The following BTRC variants were observed in gnomAD, a reference collection of about 807,000 sequenced individuals.
The protein encoded by BTRC is F-box/WD repeat-containing protein 1A.
Under a neutral mutation model 85.5 loss-of-function variants are expected in BTRC, and 42 were observed. The observed-to-expected ratio is 0.49, with a 90% CI of 0.38 to 0.64. BTRC has a LOEUF of 0.64. Ranked by LOEUF, BTRC falls within the 30% of genes least tolerant of loss-of-function variation. The pLI, the probability that BTRC is intolerant of heterozygous loss-of-function variation, is 0.00. For synonymous variants in BTRC, 255 were observed against 263.3 expected (o/e 0.97, Z 0.30); for missense variants, 594 against 743.5 (o/e 0.80, Z 2.34).
intron 1 of BTRC, among the ~76,000 whole-genome samples, chr10:101,421,979 A>G (rs924030381): frequency 1.3e-5 from 2 of 152,114 alleles, no homozygotes; most frequent in African/African-American, 2.4e-5. Flanking sequence ...TCCTCTGGGT[A>G]TATACCCAGT....
chr10:101,479,918 T>G (rs1945791185), intron 4 of BTRC, among the ~76,000 whole-genome samples: 1 of 152,202 alleles, frequency 6.6e-6, no homozygotes, highest in South Asian at 2.1e-4. Flanking sequence ...TTGATCCACA[T>G]GGACAAGTAT....
intron 1 of BTRC, among the ~76,000 whole-genome samples, chr10:101,364,192 T>C (rs1448826313): frequency 1.3e-5 from 2 of 152,336 alleles, no homozygotes; most frequent in East Asian, 1.9e-4. Context: ...ACTCTCCTGA[T>C]AGCACTTTTT....
chr10:101,540,085 GT>G (rs1292169997), intron 13 of BTRC, among the ~76,000 whole-genome samples: 1 of 152,030 alleles, frequency 6.6e-6, no homozygotes, highest in Non-Finnish European at 1.5e-5. Flanking sequence ...TTGTTTCTTT[GT>G]TTTCTTAAAA....
chr10:101,471,228 G>T (rs866441022), intron 3 of BTRC, among the ~76,000 whole-genome samples: 54 of 152,016 alleles, frequency 3.6e-4, no homozygotes, highest in African/African-American at 1.3e-3. Context: ...CTATTAAAAA[G>T]CAGTCTGTGA....
rs1943901662 is a variant in BTRC at position 101,415,310 on chromosome 10, G to A, written c.49-15035G>A. On this transcript the variant is annotated intron_variant, in intron 1 of 14. Coordinates refer to ENST00000370187, the MANE Select transcript of BTRC (RefSeq NM_033637.4). Reference sequence around the variant, plus strand: ...CCTGCTGCAGTCTCCCGAGTAGCTGGGACTACAGGCATGTGCCACCATGCC... The same window carrying A: ...CCTGCTGCAGTCTCCCGAGTAGCTGAGACTACAGGCATGTGCCACCATGCC... Among the ~76,000 whole-genome samples, 6 of 151,658 alleles carry A rather than the reference G, an allele frequency of 4.0e-5. No homozygotes were observed. The South Asian group carries it at 1.3e-3, about 32-fold the overall frequency.
chr10:101,376,183 G>A (rs1293076339), intron 1 of BTRC, among the ~76,000 whole-genome samples: 1 of 152,180 alleles, frequency 6.6e-6, no homozygotes, highest in Non-Finnish European at 1.5e-5. Flanking sequence ...AAAATTAGCC[G>A]CTCATGGTGG....
chr10:101,474,973 G>A (rs1945638531), intron 3 of BTRC, among the ~76,000 whole-genome samples: 1 of 151,962 alleles, frequency 6.6e-6, no homozygotes, highest in South Asian at 2.1e-4. Flanking sequence ...ATTTTTTTCA[G>A]CAAATACTGA....
intron 3 of BTRC, among the ~76,000 whole-genome samples, chr10:101,478,142 A>G (rs1443320544): frequency 6.6e-6 from 1 of 151,970 alleles, no homozygotes; most frequent in African/African-American, 2.4e-5. Context: ...TCTACTAAAA[A>G]TACAAAAAAT....
intron 3 of BTRC, among the ~76,000 whole-genome samples, chr10:101,469,568 A>G (rs1164592735): frequency 6.6e-6 from 1 of 152,184 alleles, no homozygotes; most frequent in Non-Finnish European, 1.5e-5. Flanking sequence ...ACATTTATTG[A>G]TGACTGGACA....
intron 4 of BTRC, among the ~76,000 whole-genome samples, chr10:101,515,432 C>T (rs925665003): frequency 5.3e-5 from 8 of 152,028 alleles, no homozygotes; most frequent in African/African-American, 9.7e-5. Flanking sequence ...CAGTGTATCT[C>T]TCCATTTATT....
At chr10:101,479,730 G>A (rs1945786699) in intron 4 of BTRC, among the ~76,000 whole-genome samples, 1 of 152,172 alleles carries the variant, frequency 6.6e-6, no homozygotes, top group Admixed American at 6.5e-5. Context: ...ATATCAGTAG[G>A]ATTTGTATAA....
At chr10:101,480,238 CTATTT>C (rs970205576) in intron 4 of BTRC, among the ~76,000 whole-genome samples, 31 of 152,188 alleles carry the variant, frequency 2.0e-4, no homozygotes, top group African/African-American at 7.5e-4. Flanking sequence ...TTAGTTTAAC[CTATTT>C]TATTATAGAT....
intron 2 of BTRC, among the ~76,000 whole-genome samples, chr10:101,440,239 A>G (rs190795205): frequency 6.6e-6 from 1 of 152,002 alleles, no homozygotes; most frequent in Admixed American, 6.5e-5. Context: ...TTTTCAAGCT[A>G]TGAGTAGGAG....
At chr10:101,549,267 C>CA (rs754113516) in intron 13 of BTRC, among the ~76,000 whole-genome samples, 1,657 of 43,002 alleles carry the variant, frequency 0.039, 24 homozygotes, top group Admixed American at 0.077. Flanking sequence ...CTAATCTCTA[C>CA]AAAAAAAAAA....
At chr10:101,423,232 C>T (rs189122223) in intron 1 of BTRC, among the ~76,000 whole-genome samples, 4 of 152,098 alleles carry the variant, frequency 2.6e-5, no homozygotes, top group Admixed American at 2.6e-4. Context: ...GTCTTATTTA[C>T]CTTACTAGTT....
At chr10:101,443,096 A>G (rs1374699961) in intron 2 of BTRC, among the ~76,000 whole-genome samples, 2 of 151,842 alleles carry the variant, frequency 1.3e-5, no homozygotes, top group East Asian at 1.9e-4. Context: ...GTTAGCCAGG[A>G]TGGTCTGGAT....
At chr10:101,379,993 G>A (rs1422835199) in intron 1 of BTRC, among the ~76,000 whole-genome samples, 2 of 152,144 alleles carry the variant, frequency 1.3e-5, no homozygotes, top group East Asian at 3.8e-4. Flanking sequence ...ACATCTGTTT[G>A]CTGAATGGAC....
intron 1 of BTRC, among the ~76,000 whole-genome samples, chr10:101,409,119 C>T (rs1428524754): frequency 1.3e-5 from 2 of 152,100 alleles, no homozygotes; most frequent in African/African-American, 4.8e-5. Flanking sequence ...ATAAAATTAA[C>T]CATTTTAAAG....
At chr10:101,432,343 G>T (rs1353586087) in intron 2 of BTRC, among the ~76,000 whole-genome samples, 2 of 151,828 alleles carry the variant, frequency 1.3e-5, no homozygotes, top group African/African-American at 4.8e-5. Context: ...GTCCAGGCTG[G>T]TATCGAACTC....
Sources: gnomAD v4.1 joint callset for allele counts (sites outside exome capture counted in the v4.1 genomes callset) on GRCh38, gnomAD v4.1.1 for gene constraint, MANE v1.5 for transcripts, NCBI Gene and HGNC (gene_info 2026-07-23, HGNC 2026-07-21) for gene names.